Variants in RPN2 observed in about 807,000 individuals in gnomAD.
RPN2 encodes the protein ribophorin II, also known as dolichyl-diphosphooligosaccharide--protein glycosyltransferase subunit 2.
Under a neutral mutation model 71.4 loss-of-function variants are expected in RPN2, and 29 were observed. That is an observed-to-expected ratio of 0.41 (90% CI 0.30 to 0.55). The LOEUF (loss-of-function observed/expected upper bound fraction) is 0.55, where lower values mean the gene tolerates loss of function less well. RPN2 is among the 20% of genes least tolerant of loss of function. The probability of loss-of-function intolerance (pLI) is 0.35; values close to 1 mark genes in which losing one functional copy is unlikely to be tolerated. For synonymous variants in RPN2, 308 were observed against 305.0 expected (o/e 1.01, Z -0.10); for missense variants, 726 against 774.1 (o/e 0.94, Z 0.74).
chr20:37,187,223 C>T (rs1223178668), intron 2 of RPN2, among the ~76,000 whole-genome samples: 1 of 9,164 alleles, frequency 1.1e-4, no homozygotes, highest in South Asian at 2.6e-3. Flanking sequence ...AATCATTTGG[C>T]GGGGCGCGGT....
chr20:37,241,511 T>C lies in RPN2; in HGVS notation c.*196T>C. On this transcript the variant is annotated 3_prime_UTR_variant, in exon 17 of 17. Transcript: ENST00000237530. The stretch of plus-strand genomic sequence containing the variant: ...TACCTGGTGAGCTCAGATAGTCTCT[T>C]TCTCTGACACTGTGTAAGAAGCTGT... The C allele has an allele frequency of 1.5e-6, 1 of 655,376 alleles. No individual in the cohort carries two copies. The highest frequency in any genetic ancestry group is 2.7e-6 in the Non-Finnish European group (1 of 369,654). The allele number at this position is 655,376 out of a possible 1,614,324, so 40.6% of individuals were successfully genotyped here. A position where few individuals can be genotyped will look rare whatever the true frequency, so the allele number is the denominator to read the frequency against.
At chr20:37,199,604 CAGTGGAGGCTCTGCAA>C (rs2067334895) in intron 4 of RPN2, among the ~76,000 whole-genome samples, 1 of 152,084 alleles carries the variant, frequency 6.6e-6, no homozygotes, top group African/African-American at 2.4e-5. Flanking sequence ...GACATGTTGG[CAGTGGAGGCTCTGCAA>C]AGTGGGGGCT....
chr20:37,199,267 C>G (rs377232352), intron 4 of RPN2, 42 bp downstream of exon 4: 1 of 1,607,668 alleles, frequency 6.2e-7, no homozygotes, highest in African/African-American at 1.3e-5. Context: ...TCATTTGTCT[C>G]GGGTCCTATC....
intron 6 of RPN2, among the ~76,000 whole-genome samples, chr20:37,205,143 C>T (rs2067484786): frequency 1.3e-5 from 2 of 152,094 alleles, no homozygotes; most frequent in Non-Finnish European, 2.9e-5. Context: ...ATGTACATGT[C>T]ACGAGGTAGT....
chr20:37,211,917 C>A (rs1302454199), intron 8 of RPN2, among the ~76,000 whole-genome samples: 1 of 151,296 alleles, frequency 6.6e-6, no homozygotes, highest in Non-Finnish European at 1.5e-5. Context: ...TTCGTATTTT[C>A]GGTAGAGATG....
At chr20:37,220,931 T>C (rs916858074) in intron 9 of RPN2, among the ~76,000 whole-genome samples, 1 of 152,178 alleles carries the variant, frequency 6.6e-6, no homozygotes, top group Non-Finnish European at 1.5e-5. Flanking sequence ...AGCTGTAACT[T>C]AGGAAACCTT....
chr20:37,199,059 T>G lies in RPN2; in HGVS notation c.313T>G (p.Ser105Ala), dbSNP rs750026130. Residue 105 changes from serine (S) to alanine (A), a missense_variant, in exon 4 of 17, where the codon TCA (serine) becomes GCA (alanine). Transcript: ENST00000237530. ...QALSGCEISI[S>A]NETKDLLLAA... ...GCCAATTCTTTCTTAGATCTCTATT[T>G]CAAATGAGACCAAAGATCTGCTTCT... 4 of 1,612,754 alleles carry G rather than the reference T, an allele frequency of 2.5e-6. No individual in the cohort carries two copies. The highest frequency in any genetic ancestry group is 3.4e-6 in the Non-Finnish European group (4 of 1,178,766).
Position 37,179,566 on chromosome 20 carries a change from G to T in RPN2, c.13+197G>T, listed in dbSNP as rs984171758. 5 of 1,352,872 alleles carry T rather than the reference G, an allele frequency of 3.7e-6. No individual in the cohort carries two copies. In the Admixed American group the frequency reaches 9.2e-5, roughly 25 times the overall value. 83.8% of individuals were successfully genotyped at this position (1,352,872 alleles called of 1,614,324 possible). A position where few individuals can be genotyped will look rare whatever the true frequency, so the allele number is the denominator to read the frequency against. On this transcript the variant is annotated intron_variant, in intron 1 of 16. Transcript: ENST00000237530. Reference sequence around the variant, plus strand: ...GTGGGAGTGCCCGCGACCTGGCGGGGTTGGTGCCTGGGGGAGGGGTGCAGC... The same window carrying T: ...GTGGGAGTGCCCGCGACCTGGCGGGTTTGGTGCCTGGGGGAGGGGTGCAGC...
At chr20:37,204,169 T>A (rs2067459625) in intron 5 of RPN2, among the ~76,000 whole-genome samples, 1 of 152,134 alleles carries the variant, frequency 6.6e-6, no homozygotes, top group Non-Finnish European at 1.5e-5. Flanking sequence ...GTGACTGTGG[T>A]TTTTATTATT....
chr20:37,234,009 C>G lies in RPN2; in HGVS notation c.1678-11C>G. 6.2e-7 allele frequency: 1 copy of G among 1,614,010 alleles called. No homozygotes were observed. Among genetic ancestry groups the G allele is most frequent in the Non-Finnish European group, 8.5e-7 (1 of 1,179,936 alleles). On this transcript the variant is annotated splice_polypyrimidine_tract_variant and intron_variant, in intron 14 of 16. Coordinates refer to ENST00000237530, the MANE Select transcript of RPN2 (RefSeq NM_002951.5). ...TAATGCCTTTTTAATTTATTTCTCC[C>G]CATCATTCAGTGGATCCGGATTGGT...
At chr20:37,206,610 A>G (rs2067514353) in intron 6 of RPN2, among the ~76,000 whole-genome samples, 1 of 152,214 alleles carries the variant, frequency 6.6e-6, no homozygotes. Context: ...TGCCTGGCAT[A>G]TATAGACATT....
intron 9 of RPN2, among the ~76,000 whole-genome samples, chr20:37,217,636 G>C (rs2067844699): frequency 6.6e-6 from 1 of 152,132 alleles, no homozygotes; most frequent in Non-Finnish European, 1.5e-5. Flanking sequence ...ACATTACTTA[G>C]AGGAAGAAAA....
chr20:37,181,757 T>TA (rs2066889206), intron 1 of RPN2, among the ~76,000 whole-genome samples: 1 of 152,200 alleles, frequency 6.6e-6, no homozygotes, highest in Admixed American at 6.5e-5. Context: ...TCCCACCAGA[T>TA]ATCTTTATGA....
chr20:37,217,533 C>T (rs1018336955), intron 9 of RPN2, among the ~76,000 whole-genome samples: 2 of 151,622 alleles, frequency 1.3e-5, no homozygotes, highest in East Asian at 1.9e-4. Context: ...CCTTGTGATC[C>T]GCCTGCCTCG....
chr20:37,209,384 C>T (rs1178794698), intron 7 of RPN2, among the ~76,000 whole-genome samples: 1 of 152,256 alleles, frequency 6.6e-6, no homozygotes, highest in Non-Finnish European at 1.5e-5. Context: ...GTCCCAAACT[C>T]CTGGCCTTAA....
At chr20:37,202,751 T>C (rs1335813757) in intron 4 of RPN2, among the ~76,000 whole-genome samples, 2 of 152,146 alleles carry the variant, frequency 1.3e-5, no homozygotes, top group Non-Finnish European at 2.9e-5. Context: ...TGCTACAACA[T>C]GGATGAGCCT....
At chr20:37,199,338 C>T in intron 4 of RPN2, 113 bp downstream of exon 4, 3 of 1,324,568 alleles carry the variant, frequency 2.3e-6, no homozygotes, top group East Asian at 2.5e-5. Flanking sequence ...GCAGTAAATA[C>T]TTCCGTGTGC....
intron 2 of RPN2, among the ~76,000 whole-genome samples, chr20:37,189,353 G>A (rs1055949334): frequency 2.0e-5 from 3 of 149,010 alleles, no homozygotes; most frequent in Non-Finnish European, 3.0e-5. Context: ...GTGTGTGTGT[G>A]TGTGTGTGAA....
At chr20:37,183,198 T>C (rs1488904816) in intron 1 of RPN2, among the ~76,000 whole-genome samples, 4 of 151,184 alleles carry the variant, frequency 2.6e-5, no homozygotes, top group East Asian at 1.9e-4. Flanking sequence ...GCATTTGTTA[T>C]GTGCCAGTCA....
Sources: gnomAD v4.1 joint callset for allele counts (sites outside exome capture counted in the v4.1 genomes callset) on GRCh38, gnomAD v4.1.1 for gene constraint, MANE v1.5 for transcripts, NCBI Gene and HGNC (gene_info 2026-07-23, HGNC 2026-07-21) for gene names.